COX6C: variants seen among roughly 807,000 people sequenced by gnomAD.
The protein encoded by COX6C is cytochrome c oxidase polypeptide VIc.
A neutral mutation model predicts 6.9 loss-of-function variants in COX6C; 3 were observed. That is an observed-to-expected ratio of 0.43 (90% CI 0.20 to 1.12). The LOEUF (loss-of-function observed/expected upper bound fraction) is 1.12, where lower values mean the gene tolerates loss of function less well. COX6C is among the 50% of genes most tolerant of loss of function. The pLI, the probability that COX6C is intolerant of heterozygous loss-of-function variation, is 0.27. For missense variants in COX6C, 101 were observed against 97.3 expected, an observed-to-expected ratio of 1.04 and a Z score of -0.16; for synonymous variants, 32 against 32.0, an observed-to-expected ratio of 1.00 and a Z score of 0.00.
chr8:99,883,586 G>A (rs1817901715), intron 3 of COX6C, among the ~76,000 whole-genome samples: 1 of 151,700 alleles, frequency 6.6e-6, no homozygotes, highest in Non-Finnish European at 1.5e-5. Context: ...ACAGGCATGA[G>A]CCACCATGCC....
At chr8:99,891,056 G>A (rs1050671644) in intron 2 of COX6C, among the ~76,000 whole-genome samples, 2 of 152,144 alleles carry the variant, frequency 1.3e-5, no homozygotes, top group African/African-American at 4.8e-5. Flanking sequence ...TGGATAGAGG[G>A]GCAGCTATGC....
At chr8:99,883,389 A>G (rs1324051405) in intron 3 of COX6C, among the ~76,000 whole-genome samples, 1 of 151,270 alleles carries the variant, frequency 6.6e-6, no homozygotes, top group Non-Finnish European at 1.5e-5. Context: ...AACTATATAT[A>G]TATCTGTGTG....
intron 3 of COX6C, among the ~76,000 whole-genome samples, chr8:99,885,152 C>T (rs1205333844): frequency 6.6e-6 from 1 of 152,194 alleles, no homozygotes; most frequent in East Asian, 1.9e-4. Context: ...TTTAACCTTC[C>T]ACCGCTTTAG....
At position 99,881,361 on chromosome 8, in the gene COX6C, TA is replaced by T. The variant is rs202059068; in HGVS notation, c.*16-3097del. On this transcript the variant is annotated intron_variant, in intron 3 of 3. Coordinates refer to ENST00000520468, the MANE Select transcript of COX6C (RefSeq NM_004374.4). ...GGTGACAGAGTAAGACTCCATCTCT[TA>T]AAAAAAAAAAAAAAATTGGTTTGTA... 4.6e-3 allele frequency among the ~76,000 whole-genome samples: 635 copies of T among 139,492 alleles called. 1 individual carries two copies. Among genetic ancestry groups the T allele is most frequent in the East Asian group, 6.0e-3 (29 of 4,872 alleles). The allele number at this position is 139,492 out of a possible 152,430, so 91.5% of individuals were successfully genotyped here. A position where few individuals can be genotyped will look rare whatever the true frequency, so the allele number is the denominator to read the frequency against.
chr8:99,890,226 G>C (rs187708074), intron 2 of COX6C, among the ~76,000 whole-genome samples: 1 of 152,116 alleles, frequency 6.6e-6, no homozygotes, highest in African/African-American at 2.4e-5. Context: ...GCTTCCCAAA[G>C]TGCCAGGATT....
chr8:99,880,675 C>T (rs770342656), intron 3 of COX6C, among the ~76,000 whole-genome samples: 16 of 151,460 alleles, frequency 1.1e-4, no homozygotes, highest in Non-Finnish European at 2.2e-4. Context: ...AAGACCAGCC[C>T]AGGCAACATG....
intron 3 of COX6C, among the ~76,000 whole-genome samples, chr8:99,879,758 CAAT>C (rs112759672): frequency 1.5e-3 from 234 of 152,282 alleles, no homozygotes; most frequent in African/African-American, 5.4e-3. Flanking sequence ...AACTGACCTA[CAAT>C]GTTCTGGTTT....
chr8:99,880,272 A>G (rs35839075), intron 3 of COX6C, among the ~76,000 whole-genome samples: 2 of 152,232 alleles, frequency 1.3e-5, no homozygotes, highest in African/African-American at 4.8e-5. Context: ...AGAAATCTCC[A>G]CAAACCAACC....
chr8:99,884,468 T>C (rs1157214487), intron 3 of COX6C, among the ~76,000 whole-genome samples: 11 of 152,238 alleles, frequency 7.2e-5, no homozygotes, highest in Non-Finnish European at 1.3e-4. Context: ...TATATACCTG[T>C]ATACTGCTAA....
rs571967616 is a variant in COX6C, at chr8:99,884,884, T to C, written c.*15+2606A>G. 2.6e-5 allele frequency among the ~76,000 whole-genome samples: 4 copies of C among 152,326 alleles called. No individual in the cohort carries two copies. The South Asian group carries it at 6.2e-4, about 24-fold the overall frequency. ...AGGAAAGACATCCTGTGTTCATGGATTGGAATACTTAATATTGTTACGATG... is the reference window on the plus strand; with the variant it reads ...AGGAAAGACATCCTGTGTTCATGGACTGGAATACTTAATATTGTTACGATG... On this transcript the variant is annotated intron_variant, in intron 3 of 3. Transcript: ENST00000520468.
intron 2 of COX6C, among the ~76,000 whole-genome samples, chr8:99,888,770 G>T (rs1033298507): frequency 6.6e-6 from 1 of 152,188 alleles, no homozygotes; most frequent in South Asian, 2.1e-4. Flanking sequence ...CAGATCCCAC[G>T]ACCCTGAGGG....
chr8:99,878,790 A>G (rs1479578147), intron 3 of COX6C: 2 of 152,264 alleles, frequency 1.3e-5, no homozygotes, highest in East Asian at 1.9e-4. Context: ...TAAAGCAGAT[A>G]TGTTAAGATT....
At chr8:99,880,230 A>G (rs1031492612) in intron 3 of COX6C, among the ~76,000 whole-genome samples, 7 of 152,176 alleles carry the variant, frequency 4.6e-5, no homozygotes, top group Admixed American at 1.3e-4. Flanking sequence ...AAGGCACATA[A>G]AGAAATAGGG....
At chr8:99,892,105 C>A (rs897720871) in intron 1 of COX6C, 53 bp from the exon 2 acceptor site, 1 of 1,052,810 alleles carries the variant, frequency 9.5e-7, no homozygotes, top group Non-Finnish European at 1.4e-6. Context: ...AAGCCACAAA[C>A]TTGAGAATGG....
At chr8:99,891,174 T>G (rs951987380) in intron 2 of COX6C, among the ~76,000 whole-genome samples, 1 of 152,224 alleles carries the variant, frequency 6.6e-6, no homozygotes, top group African/African-American at 2.4e-5. Flanking sequence ...ATCTAAACGT[T>G]TTTTGGAAAT....
chr8:99,893,081 G>C (rs535160552), intron 1 of COX6C: 3 of 152,358 alleles, frequency 2.0e-5, no homozygotes, highest in East Asian at 3.9e-4. Context: ...CCGGGGGTAG[G>C]ATGGGAAGCC....
At chr8:99,890,850 C>G (rs1286681309) in intron 2 of COX6C, among the ~76,000 whole-genome samples, 1 of 152,204 alleles carries the variant, frequency 6.6e-6, no homozygotes, top group Non-Finnish European at 1.5e-5. Context: ...GTGACAATTA[C>G]TCAAGGTGTC....
intron 3 of COX6C, among the ~76,000 whole-genome samples, chr8:99,879,143 G>C (rs1817812853): frequency 6.6e-6 from 1 of 152,144 alleles, no homozygotes; most frequent in Non-Finnish European, 1.5e-5. Flanking sequence ...TAAGATTCCA[G>C]AGTAGGAAGT....
chr8:99,892,373 T>C (rs912709387), intron 1 of COX6C, among the ~76,000 whole-genome samples: 4 of 152,282 alleles, frequency 2.6e-5, no homozygotes, highest in East Asian at 1.9e-4. Context: ...ACATAAGCTA[T>C]TGACTGACTA....
Sources: gnomAD v4.1 joint callset for allele counts (sites outside exome capture counted in the v4.1 genomes callset) on GRCh38, gnomAD v4.1.1 for gene constraint, MANE v1.5 for transcripts, NCBI Gene and HGNC (gene_info 2026-07-23, HGNC 2026-07-21) for gene names.